TMEM38A: variants seen among roughly 807,000 people sequenced by gnomAD.
The protein encoded by TMEM38A is transmembrane protein 38A, also known as trimeric intracellular cation channel type A.
Under a neutral mutation model 28.6 loss-of-function variants are expected in TMEM38A, and 17 were observed. The observed-to-expected ratio is 0.60, with a 90% CI of 0.41 to 0.89. The LOEUF (loss-of-function observed/expected upper bound fraction) is 0.89, where lower values mean the gene tolerates loss of function less well. Ranked by LOEUF, TMEM38A falls within the 40% of genes least tolerant of loss-of-function variation. TMEM38A has a pLI of 0.00. For synonymous variants in TMEM38A, 169 were observed against 166.1 expected (o/e 1.02, Z -0.14); for missense variants, 328 against 393.1 (o/e 0.83, Z 1.40).
chr19:16,671,377 A>G (rs1447802382), intron 1 of TMEM38A, among the ~76,000 whole-genome samples: 1 of 151,704 alleles, frequency 6.6e-6, no homozygotes, highest in African/African-American at 2.4e-5. Flanking sequence ...TAATTTTTGT[A>G]TTTTTAGTGG....
At chr19:16,662,522 C>T (rs958953876) in intron 1 of TMEM38A, among the ~76,000 whole-genome samples, 4 of 136,834 alleles carry the variant, frequency 2.9e-5, no homozygotes, top group Admixed American at 2.4e-4. Flanking sequence ...GGCGTGATCT[C>T]GGCTCACTGC....
At position 16,682,445 on chromosome 19, in the gene TMEM38A, A is replaced by G. The variant is rs765512783; in HGVS notation, c.491A>G (p.Asn164Ser). 3.1e-6 allele frequency: 5 copies of G among 1,613,778 alleles called. No individual in the cohort carries two copies. The highest frequency in any genetic ancestry group is 1.1e-5 in the South Asian group (1 of 91,034). ...GGTTCTGGTGTCGCCCTCATGTCCA[A>G]CTTTGAGCAGCTGCTCCGAGGGGTC... Reference protein sequence around the residue: ...VKGSGVALMSNFEQLLRGVWK... With the variant: ...VKGSGVALMSSFEQLLRGVWK... The change falls in exon 4 of 6, where the codon AAC becomes AGC. Residue 164 changes from asparagine to serine, a missense_variant. Coordinates refer to ENST00000187762, the MANE Select transcript of TMEM38A (RefSeq NM_024074.4).
intron 4 of TMEM38A, among the ~76,000 whole-genome samples, chr19:16,682,970 G>A (rs1413204897): frequency 6.6e-6 from 1 of 152,028 alleles, no homozygotes; most frequent in Non-Finnish European, 1.5e-5. Flanking sequence ...TTAGCTTAAT[G>A]TTTTTTATTT....
chr19:16,678,301 T>G (rs2086761441), intron 1 of TMEM38A, among the ~76,000 whole-genome samples: 2 of 151,944 alleles, frequency 1.3e-5, no homozygotes, highest in Admixed American at 6.6e-5. Flanking sequence ...TGGTGGCGCA[T>G]GCCTGTAATC....
In TMEM38A at chr19:16,673,038, C is replaced by G. The variant is rs370804083; in HGVS notation, c.125-6946C>G. 4.6e-5 allele frequency among the ~76,000 whole-genome samples: 7 copies of G among 151,986 alleles called. No homozygotes were observed. In the South Asian group the frequency reaches 1.4e-3, roughly 31 times the overall value. On this transcript the variant is annotated intron_variant, in intron 1 of 5. Transcript: ENST00000187762. The stretch of plus-strand genomic sequence containing the variant: ...TCAACAGAGCTGAGGTTGAAAAACC[C>G]TGATCAAGGTCTAGTTCACTTTTCT...
At chr19:16,674,529 G>C (rs1255223515) in intron 1 of TMEM38A, among the ~76,000 whole-genome samples, 1 of 151,832 alleles carries the variant, frequency 6.6e-6, no homozygotes, top group African/African-American at 2.4e-5. Flanking sequence ...GCCGGGCGCC[G>C]TGGCTCACAC....
At chr19:16,668,637 G>A (rs1379373192) in intron 1 of TMEM38A, among the ~76,000 whole-genome samples, 1 of 151,932 alleles carries the variant, frequency 6.6e-6, no homozygotes, top group East Asian at 1.9e-4. Flanking sequence ...ACTGCACCCG[G>A]CCAACCACTG....
chr19:16,680,172 CG>C, intron 2 of TMEM38A, 32 bp downstream of exon 2: 1 of 1,595,888 alleles, frequency 6.3e-7, no homozygotes, highest in Non-Finnish European at 8.5e-7. Flanking sequence ...AGAGCAGAGC[CG>C]GGTGGGGGAA....
At chr19:16,684,242 G>A (rs1568317019) in intron 4 of TMEM38A, among the ~76,000 whole-genome samples, 1 of 152,018 alleles carries the variant, frequency 6.6e-6, no homozygotes, top group Non-Finnish European at 1.5e-5. Context: ...AGGAAGCTGA[G>A]GTAGGGGGAT....
intron 4 of TMEM38A, among the ~76,000 whole-genome samples, chr19:16,683,492 C>G (rs1599392116): frequency 6.7e-6 from 1 of 150,052 alleles, no homozygotes. Context: ...ACTCAGGAGG[C>G]TGAGGCAAGA....
At chr19:16,664,063 C>A (rs997579232) in intron 1 of TMEM38A, among the ~76,000 whole-genome samples, 1 of 152,154 alleles carries the variant, frequency 6.6e-6, no homozygotes, top group Non-Finnish European at 1.5e-5. Context: ...GGACTCAGCC[C>A]AGGTCTGCTT....
intron 3 of TMEM38A, among the ~76,000 whole-genome samples, chr19:16,681,328 T>C (rs1228717574): frequency 6.6e-6 from 1 of 152,170 alleles, no homozygotes; most frequent in African/African-American, 2.4e-5. Context: ...ATGAAAATGT[T>C]ATTAGAAATA....
At chr19:16,686,552 T>C (rs909773694) in intron 5 of TMEM38A, 147 bp downstream of exon 5, 2 of 646,384 alleles carry the variant, frequency 3.1e-6, no homozygotes, top group Admixed American at 4.7e-5. Context: ...AGTAGGTCAC[T>C]GGGAAGAGAG....
At chr19:16,687,065 G>A (rs2086804898) in intron 5 of TMEM38A, among the ~76,000 whole-genome samples, 1 of 152,168 alleles carries the variant, frequency 6.6e-6, no homozygotes. Flanking sequence ...TCCTGGGCAG[G>A]CACGGGGGCT....
rs1365314113 is a variant in TMEM38A, at chr19:16,686,217, G to C, written c.555-71G>C. The stretch of plus-strand genomic sequence containing the variant: ...TGGGAGCTGGTGCCAGGGCAGGGGG[G>C]TGTCTGGGCCAGAGTTATGAAGACT... On this transcript the variant is annotated intron_variant, in intron 4 of 5. Coordinates refer to ENST00000187762, the MANE Select transcript of TMEM38A (RefSeq NM_024074.4). The C allele has an allele frequency of 3.6e-6, 4 of 1,110,712 alleles. No individual in the cohort carries two copies. In the African/African-American group the frequency reaches 4.6e-5, roughly 13 times the overall value. The allele number at this position is 1,110,712 out of a possible 1,614,324, so 68.8% of individuals were successfully genotyped here. A position where few individuals can be genotyped will look rare whatever the true frequency, so the allele number is the denominator to read the frequency against.
chr19:16,666,162 G>A (rs1283606024), intron 1 of TMEM38A, among the ~76,000 whole-genome samples: 1 of 151,800 alleles, frequency 6.6e-6, no homozygotes, highest in Non-Finnish European at 1.5e-5. Flanking sequence ...TGTATTTTTA[G>A]TAGAAACGGG....
chr19:16,673,834 TC>T (rs1351362601), intron 1 of TMEM38A, among the ~76,000 whole-genome samples: 6 of 151,490 alleles, frequency 4.0e-5, no homozygotes. Context: ...ACACCTGAAA[TC>T]CCAGCACTTT....
In TMEM38A at chr19:16,682,574, G is replaced by A. The variant is rs1477515376; in HGVS notation, c.554+66G>A. Reference sequence around the variant, plus strand: ...TGTCCGGGTGCCTGACCCTGAGTTGGATGCTGCTGATAACTTAGAGAGGCC... The same window carrying A: ...TGTCCGGGTGCCTGACCCTGAGTTGAATGCTGCTGATAACTTAGAGAGGCC... On this transcript the variant is annotated intron_variant, in intron 4 of 5. Coordinates refer to ENST00000187762, the MANE Select transcript of TMEM38A (RefSeq NM_024074.4). 4 of 1,417,414 alleles carry A rather than the reference G, an allele frequency of 2.8e-6. No homozygotes were observed. In the African/African-American group the frequency reaches 5.6e-5, roughly 20 times the overall value. The allele number at this position is 1,417,414 out of a possible 1,614,324, so 87.8% of individuals were successfully genotyped here.
At position 16,685,675 on chromosome 19, in the gene TMEM38A, C is replaced by A. The variant is rs952531078; in HGVS notation, c.555-613C>A. Among the ~76,000 whole-genome samples the A allele has an allele frequency of 3.9e-5, 6 of 152,180 alleles. No individual in the cohort carries two copies. The South Asian group carries it at 1.2e-3, about 32-fold the overall frequency. On this transcript the variant is annotated intron_variant, in intron 4 of 5. Coordinates refer to ENST00000187762, the MANE Select transcript of TMEM38A (RefSeq NM_024074.4). ...ACCTGATGCTGCATGGCCCAAGACC[C>A]CCACCATAAATTACGTTGTTACTAC...
Sources: allele counts gnomAD v4.1 joint callset (sites outside exome capture counted in the v4.1 genomes callset), GRCh38; gene constraint gnomAD v4.1.1; transcripts MANE v1.5; gene names NCBI Gene and HGNC (gene_info 2026-07-23, HGNC 2026-07-21).